Variants in SPIN3 observed in about 807,000 individuals in gnomAD.
SPIN3 encodes the protein spindlin family member 3, also known as spindlin-3.
For missense variants in SPIN3, 176 were observed against 196.4 expected, an observed-to-expected ratio of 0.90 and a Z score of 0.62; for synonymous variants, 74 against 74.3, an observed-to-expected ratio of 1.00 and a Z score of 0.02.
chrX:56,980,432 T>C (rs1924091395), intron 3 of SPIN3: 1 of 110,868 alleles, frequency 9.0e-6, no homozygotes, highest in Non-Finnish European at 1.9e-5. Flanking sequence ...GGTAAAAATT[T>C]AAAACATGAA....
At chrX:56,989,830 C>G (rs1924293271), downstream of SPIN3, among the ~76,000 whole-genome samples, 1 of 111,669 alleles carries the variant, frequency 9.0e-6, no homozygotes, top group African/African-American at 3.3e-5. Flanking sequence ...TGCAGGAAAA[C>G]AAGCTCAGGG....
intron 1 of SPIN3, 27 bp downstream of exon 1, chrX:56,995,189 T>A (rs773954844): frequency 7.4e-4 from 251 of 339,242 alleles, no homozygotes; most frequent in Non-Finnish European, 8.3e-4. Context: ...CGTTTCCCCA[T>A]TCCCCTCGCC....
chrX:56,982,368 TCTC>T (rs1280760160), intron 3 of SPIN3: 2 of 111,236 alleles, frequency 1.8e-5, no homozygotes, highest in Non-Finnish European at 3.8e-5. Context: ...CCACTTCCCT[TCTC>T]AGTTTCTTCT....
downstream of SPIN3, among the ~76,000 whole-genome samples, chrX:56,989,787 G>A (rs1036824057): frequency 1.8e-5 from 2 of 111,599 alleles, no homozygotes; most frequent in Non-Finnish European, 3.8e-5. Flanking sequence ...ATCTGTTGCT[G>A]TCTCCCACCA....
intron 2 of SPIN3, among the ~76,000 whole-genome samples, chrX:56,985,299 C>T (rs947873489): frequency 8.9e-6 from 1 of 112,051 alleles, no homozygotes; most frequent in Admixed American, 9.5e-5. Context: ...TGGGATGCAA[C>T]ACCCAGGTTA....
downstream of SPIN3, among the ~76,000 whole-genome samples, chrX:56,986,456 C>T (rs913660460): frequency 4.8e-4 from 54 of 111,755 alleles, no homozygotes; most frequent in African/African-American, 1.7e-3. Context: ...AGCACTCTTA[C>T]CAGCTGTGTG....
rs200805345 is a variant in SPIN3, at chrX:56,994,751, G to A, written c.197C>T (p.Thr66Ile). Reference protein sequence around the residue: ...HGWKDGDEPLTQWKGTVLDQV... With the variant: ...HGWKDGDEPLIQWKGTVLDQV... ...ATCCAGAACGGTTCCTTTCCACTGT[G>A]TTAGAGGTTCATCTCCATCTTTCCA... The change falls in exon 2 of 2, where the codon ACA becomes ATA. Residue 66 changes from threonine (T) to isoleucine (I), a missense_variant. Physicochemically the swap from Thr to Ile is moderately conservative, Grantham distance 89 (BLOSUM62 -1). Coordinates refer to ENST00000374919, the MANE Select transcript of SPIN3 (RefSeq NM_001010862.3). 278 of 1,210,244 alleles carry A rather than the reference G, an allele frequency of 2.3e-4. No homozygotes were observed. The highest frequency in any genetic ancestry group is 3.0e-4 in the Non-Finnish European group (266 of 895,260).
chrX:56,984,330 C>G (rs1924178227), exon 3 of SPIN3: 1 of 278,967 alleles, frequency 3.6e-6, no homozygotes, highest in Admixed American at 4.5e-5. Flanking sequence ...TGAAGGAAAC[C>G]ATATTGTCCC....
chrX:56,975,255 C>T (rs1923980901), downstream of SPIN3: 1 of 112,105 alleles, frequency 8.9e-6, no homozygotes, highest in African/African-American at 3.2e-5. Context: ...AGACATGAGA[C>T]ATCATTTAAA....
At chrX:56,980,145 T>C (rs1208959637) in intron 3 of SPIN3, 1 of 111,735 alleles carries the variant, frequency 8.9e-6, no homozygotes, top group Non-Finnish European at 1.9e-5. Context: ...AAATCGAAGA[T>C]GTGCCCACCC....
At position 56,992,460 on chromosome X, in the gene SPIN3, TG is replaced by T; in HGVS notation, c.*1710del. On this transcript the variant is annotated 3_prime_UTR_variant, in exon 2 of 2. Transcript: ENST00000374919. ...GTCAAACATCATAGTAGAGACTTAG[TG>T]GCATCAAAAAGCAAAAGTAGACAGA... The T allele has an allele frequency of 3.4e-6, 1 of 297,370 alleles. No homozygotes were observed. 24.5% of individuals were successfully genotyped at this position (297,370 alleles called of 1,213,427 possible).
downstream of SPIN3, among the ~76,000 whole-genome samples, chrX:56,987,694 T>C (rs1924249809): frequency 8.9e-6 from 1 of 111,866 alleles, no homozygotes; most frequent in Non-Finnish European, 1.9e-5. Context: ...CCTGCTCTCT[T>C]AACTGTCCAG....
At position 56,994,588 on chromosome X, in the gene SPIN3, A is replaced by C. The variant is rs760347419; in HGVS notation, c.360T>G (p.Ser120Arg). 5.0e-6 allele frequency: 6 copies of C among 1,210,096 alleles called. No individual in the cohort carries two copies. Among genetic ancestry groups the C allele is most frequent in the Non-Finnish European group, 6.7e-6 (6 of 895,311 alleles). ...CCATTATTTCTGCCAAGTGTGTATC[A>C]CTGATTCTAGATGATGCAACTCTAT... is the stretch of plus-strand genomic sequence containing the variant. ...LPNRVASSRISDTHLAEIMVG... is the reference protein window; with the variant it reads ...LPNRVASSRIRDTHLAEIMVG... The change falls in exon 2 of 2, where the codon AGT (serine) becomes AGG (arginine). Residue 120 changes from serine (S) to arginine (R), a missense_variant. Ser to Arg is a moderately radical substitution (Grantham distance 110). Coordinates refer to ENST00000374919, the MANE Select transcript of SPIN3 (RefSeq NM_001010862.3).
downstream of SPIN3, among the ~76,000 whole-genome samples, chrX:56,986,073 CTTA>C (rs761624988): frequency 9.0e-5 from 10 of 111,239 alleles, no homozygotes; most frequent in East Asian, 2.8e-4. Context: ...ACATAATTTA[CTTA>C]TTATTATTAT....
At chrX:56,984,242 G>T (rs770327080) in intron 3 of SPIN3, 10 of 222,716 alleles carry the variant, frequency 4.5e-5, no homozygotes, top group African/African-American at 2.9e-4. Flanking sequence ...GTTGGAAGAG[G>T]ATATTTAAAA....
Position 56,992,168 on chromosome X carries a change from C to T in SPIN3, c.*2003G>A, listed in dbSNP as rs967931378. ...CTGCCCAGATATGGGGTTCCTTCAG[C>T]AGCTGCAGCCTTGGCTGTCTTCCTC... On this transcript the variant is annotated 3_prime_UTR_variant, in exon 2 of 2. Coordinates refer to ENST00000374919, the MANE Select transcript of SPIN3 (RefSeq NM_001010862.3). 2 of 296,117 alleles carry T rather than the reference C, an allele frequency of 6.8e-6. No homozygotes were observed. The highest frequency in any genetic ancestry group is 2.7e-5 in the African/African-American group (1 of 36,464). The allele number at this position is 296,117 out of a possible 1,213,427, so 24.4% of individuals were successfully genotyped here.
At position 56,994,411 on chromosome X, in the gene SPIN3, A is replaced by G; in HGVS notation, c.537T>C (p.Asp179=). 1 of 1,211,494 alleles carries G rather than the reference A, an allele frequency of 8.3e-7. No individual in the cohort carries two copies. The highest frequency in any genetic ancestry group is 1.1e-6 in the Non-Finnish European group (1 of 895,447). The change falls in exon 2 of 2, where the codon GAT becomes GAC. Residue 179 remains aspartate (D), a synonymous_variant. Coordinates refer to ENST00000374919, the MANE Select transcript of SPIN3 (RefSeq NM_001010862.3). The stretch of plus-strand genomic sequence containing the variant: ...TGCGGAGGTCACCATCTTTATAATC[A>G]TCTAAGAGCTGGTACATATATAATA... ...DPVLYMYQLL[D]DYKDGDLRIL...
At chrX:56,988,321 T>G (rs1016018302), downstream of SPIN3, among the ~76,000 whole-genome samples, 6 of 111,294 alleles carry the variant, frequency 5.4e-5, no homozygotes, top group Admixed American at 3.8e-4. Context: ...ATTTGGAACT[T>G]TGTATGATTT....
chrX:56,975,889 C>T (rs1367295950), downstream of SPIN3: 3 of 110,794 alleles, frequency 2.7e-5, no homozygotes, highest in African/African-American at 9.9e-5. Context: ...TTTTCCTGGT[C>T]CTTAGAGCTC....
Sources: allele counts gnomAD v4.1 joint callset (sites outside exome capture counted in the v4.1 genomes callset), GRCh38; gene constraint gnomAD v4.1.1; transcripts MANE v1.5; gene names NCBI Gene and HGNC (gene_info 2026-07-23, HGNC 2026-07-21).